PDE4D: variants seen among roughly 807,000 people sequenced by gnomAD.
PDE4D encodes the protein phosphodiesterase 4D, also known as 3',5'-cyclic-AMP phosphodiesterase 4D.
In PDE4D, 24 loss-of-function variants were observed where a neutral mutation model predicts 87.4. The ratio of observed to expected loss-of-function variants is 0.27; its 90% CI spans 0.20 to 0.39. The LOEUF is 0.39. PDE4D is among the 10% of genes least tolerant of loss of function. The pLI is 1.00. For synonymous variants in PDE4D, 384 were observed against 383.2 expected (o/e 1.00, Z -0.02); for missense variants, 714 against 1,041.0 (o/e 0.69, Z 4.32).
chr5:59,945,780 T>C (rs1757669305), intron 3 of PDE4D, among the ~76,000 whole-genome samples: 1 of 152,228 alleles, frequency 6.6e-6, no homozygotes, highest in Non-Finnish European at 1.5e-5. Flanking sequence ...AATGCCATGA[T>C]AAATAATTTT....
At chr5:59,298,368 A>T (rs578254198) in intron 1 of PDE4D, among the ~76,000 whole-genome samples, 1 of 152,174 alleles carries the variant, frequency 6.6e-6, no homozygotes, top group East Asian at 1.9e-4. Flanking sequence ...CACCCATTTC[A>T]GTCTCCCAAA....
At chr5:59,131,368 C>A (rs1398525003) in intron 5 of PDE4D, among the ~76,000 whole-genome samples, 1 of 152,094 alleles carries the variant, frequency 6.6e-6, no homozygotes, top group Admixed American at 6.5e-5. Flanking sequence ...TTGACTGATA[C>A]ACAAGTACTA....
chr5:60,475,106 T>A (rs967009184), intron 1 of PDE4D, among the ~76,000 whole-genome samples: 1 of 152,188 alleles, frequency 6.6e-6, no homozygotes, highest in African/African-American at 2.4e-5. Flanking sequence ...TCAAAAGGAA[T>A]AGAAATTCAA....
At chr5:59,933,789 TATTA>T (rs954232605) in intron 3 of PDE4D, among the ~76,000 whole-genome samples, 68 of 51,508 alleles carry the variant, frequency 1.3e-3, no homozygotes, top group African/African-American at 6.9e-3. Context: ...TATATATATA[TATTA>T]ATAAGCATTC....
At chr5:59,995,566 G>T (rs761920972) in intron 2 of PDE4D, among the ~76,000 whole-genome samples, 1 of 151,936 alleles carries the variant, frequency 6.6e-6, no homozygotes. Context: ...GTGATCCACC[G>T]CCTCGGCCTC....
intron 1 of PDE4D, chr5:60,335,086 A>C (rs954911731): frequency 2.6e-5 from 4 of 152,184 alleles, no homozygotes; most frequent in Non-Finnish European, 5.9e-5. Context: ...GCCTACCCCA[A>C]ATCATCTCCT....
intron 11 of PDE4D, among the ~76,000 whole-genome samples, chr5:58,987,055 A>C (rs996021795): frequency 6.6e-6 from 1 of 152,198 alleles, no homozygotes; most frequent in Non-Finnish European, 1.5e-5. Context: ...ATCTCAAGAC[A>C]TTCATAAGCA....
chr5:59,316,183 C>G (rs1416209363), intron 1 of PDE4D, among the ~76,000 whole-genome samples: 1 of 152,098 alleles, frequency 6.6e-6, no homozygotes, highest in East Asian at 1.9e-4. Context: ...ATGAAGATAA[C>G]AAGCTATGGG....
rs960799533 is a variant in PDE4D at position 59,987,623 on chromosome 5, C to T, written c.272+865G>A. 4 of 152,320 alleles carry T rather than the reference C, an allele frequency of 2.6e-5. No individual in the cohort carries two copies. The East Asian group carries it at 5.8e-4, about 22-fold the overall frequency. 9.4% of individuals were successfully genotyped at this position (152,320 alleles called of 1,614,324 possible). The stretch of plus-strand genomic sequence containing the variant: ...CTTGGCAGAGAATGTGGGACCATCA[C>T]ATTTGTAGCATAGTAATTGTTTTGT... On this transcript the variant is annotated intron_variant, in intron 3 of 16. Transcript: ENST00000502484.
intron 1 of PDE4D, among the ~76,000 whole-genome samples, chr5:59,222,772 G>A (rs571579845): frequency 6.6e-5 from 10 of 152,184 alleles, no homozygotes; most frequent in East Asian, 1.9e-4. Flanking sequence ...CTATTTGGGT[G>A]CTCTAGGGCA....
At chr5:59,310,023 C>CTAGCAG (rs1428154584) in intron 1 of PDE4D, among the ~76,000 whole-genome samples, 2 of 152,100 alleles carry the variant, frequency 1.3e-5, no homozygotes, top group Non-Finnish European at 2.9e-5. Flanking sequence ...TCTCTTTGGT[C>CTAGCAG]ACTCTTCCCT....
intron 1 of PDE4D, among the ~76,000 whole-genome samples, chr5:60,389,729 A>G (rs984635619): frequency 1.3e-5 from 2 of 152,086 alleles, no homozygotes; most frequent in Admixed American, 6.6e-5. Flanking sequence ...CTTCTTCACA[A>G]CATGTTGGCT....
At chr5:59,801,802 C>T (rs1767156502) in intron 1 of PDE4D, among the ~76,000 whole-genome samples, 1 of 152,206 alleles carries the variant, frequency 6.6e-6, no homozygotes, top group South Asian at 2.1e-4. Context: ...ACAACAAACA[C>T]TTACCCACCA....
chr5:60,030,625 T>C (rs995297700), intron 2 of PDE4D, among the ~76,000 whole-genome samples: 16 of 152,316 alleles, frequency 1.1e-4, no homozygotes, highest in African/African-American at 3.4e-4. Flanking sequence ...AAAAGACACA[T>C]GATTTTAAAA....
At chr5:59,229,627 T>C (rs1377082591) in intron 1 of PDE4D, among the ~76,000 whole-genome samples, 1 of 152,164 alleles carries the variant, frequency 6.6e-6, no homozygotes, top group Non-Finnish European at 1.5e-5. Flanking sequence ...GTGCAGCTGC[T>C]AGTACCACTT....
Position 58,991,907 on chromosome 5 carries a change from C to A in PDE4D, c.1113G>T (p.Met371Ile). The A allele has an allele frequency of 6.2e-7, 1 of 1,605,890 alleles. No individual in the cohort carries two copies. The highest frequency in any genetic ancestry group is 8.5e-7 in the Non-Finnish European group (1 of 1,175,748). Residue 371 changes from methionine to isoleucine, a missense_variant, in exon 8 of 15, where the codon ATG (methionine) becomes ATT (isoleucine). By Grantham distance (10) the Met-to-Ile change is conservative. Transcript: ENST00000340635. ...TTGAATTAGTCAGACTAGAGCTGTG[C>A]ATCAATTTCTTGACTCCACTGATCT... is the stretch of plus-strand genomic sequence containing the variant. ...MSQISGVKKL[M>I]HSSSLTNSSI...
At chr5:60,211,454 G>C (rs1026492305) in intron 1 of PDE4D, among the ~76,000 whole-genome samples, 2 of 142,422 alleles carry the variant, frequency 1.4e-5, no homozygotes, top group African/African-American at 5.9e-5. Context: ...AAGAATCTTG[G>C]GGGGGTGGGG....
intron 1 of PDE4D, among the ~76,000 whole-genome samples, chr5:59,288,938 C>A (rs932721990): frequency 6.6e-6 from 1 of 151,964 alleles, no homozygotes; most frequent in Non-Finnish European, 1.5e-5. Context: ...GTAAGAAATG[C>A]TAAAGAATTC....
At chr5:60,076,371 G>T (rs544513224) in intron 2 of PDE4D, among the ~76,000 whole-genome samples, 39 of 152,218 alleles carry the variant, frequency 2.6e-4, no homozygotes, top group African/African-American at 7.2e-4. Context: ...TGTTGGCCAG[G>T]GTGGTCTTGA....
Sources: allele counts gnomAD v4.1 joint callset (sites outside exome capture counted in the v4.1 genomes callset), GRCh38; gene constraint gnomAD v4.1.1; transcripts MANE v1.5; gene names NCBI Gene and HGNC (gene_info 2026-07-23, HGNC 2026-07-21).